The following HEATR1 variants were observed in gnomAD, a reference collection of about 807,000 sequenced individuals.
The protein encoded by HEATR1 is HEAT repeat containing 1.
A neutral mutation model predicts 248.2 loss-of-function variants in HEATR1; 77 were observed. The observed-to-expected ratio is 0.31, with a 90% CI of 0.26 to 0.37. The LOEUF (loss-of-function observed/expected upper bound fraction) is 0.37. Among genes scored for constraint, HEATR1 ranks in the 10% least tolerant of loss-of-function variants. The pLI is 1.00. For missense variants in HEATR1, 2,420 were observed against 2,504.9 expected (o/e 0.97, Z 0.72); for synonymous variants, 897 against 923.1 (o/e 0.97, Z 0.51).
chr1:236,561,397 A>G, intron 32 of HEATR1, 126 bp from the exon 33 acceptor site: 1 of 741,762 alleles, frequency 1.3e-6, no homozygotes, highest in Non-Finnish European at 2.4e-6. Context: ...CTGACATTAC[A>G]ATTTAATCAG....
intron 3 of HEATR1, among the ~76,000 whole-genome samples, chr1:236,600,697 A>AT (rs1201935697): frequency 1.9e-4 from 28 of 151,088 alleles, no homozygotes; most frequent in African/African-American, 5.4e-4. Flanking sequence ...CACCCAGCTA[A>AT]TTTTTTTTTG....
chr1:236,570,851 C>T (rs1663407721), intron 28 of HEATR1, among the ~76,000 whole-genome samples: 1 of 152,050 alleles, frequency 6.6e-6, no homozygotes, highest in Admixed American at 6.5e-5. Context: ...TGACTCAAAT[C>T]CTCAATATGA....
rs1662651427 is a variant in HEATR1, at chr1:236,550,079, A to G, written c.*823T>C. ...TGAACCCTCACTTTCCAACTTCACC[A>G]TGACCCAGTACTAGAGATTAGGGCA... On this transcript the variant is annotated 3_prime_UTR_variant, in exon 45 of 45. Coordinates refer to ENST00000366582, the MANE Select transcript of HEATR1 (RefSeq NM_018072.6). The G allele has an allele frequency of 1.3e-5, 2 of 152,194 alleles. No homozygotes were observed. Among genetic ancestry groups the G allele is most frequent in the Admixed American group, 1.3e-4 (2 of 15,282 alleles). 9.4% of individuals were successfully genotyped at this position (152,194 alleles called of 1,614,324 possible).
At position 236,586,346 on chromosome 1, in the gene HEATR1, C is replaced by A; in HGVS notation, c.1822G>T (p.Val608Phe). The A allele has an allele frequency of 1.2e-6, 2 of 1,612,466 alleles. No homozygotes were observed. Among genetic ancestry groups the A allele is most frequent in the South Asian group, 2.2e-5 (2 of 91,026 alleles). ...QVVVCLLPFMVINNDDTESAE... is the reference protein window; with the variant it reads ...QVVVCLLPFMFINNDDTESAE... ...GATTCCGTATCATCATTATTGATAA[C>A]CATAAATGGCAGCAAACATACAACC... The change falls in exon 15 of 45, where the codon GTT becomes TTT. Residue 608 changes from valine to phenylalanine, a missense_variant. By Grantham distance (50) the Val-to-Phe change is conservative (BLOSUM62 -1). Transcript: ENST00000366582.
chr1:236,577,114 T>C (rs979283238), intron 20 of HEATR1, among the ~76,000 whole-genome samples, 165 bp from the exon 21 acceptor site: 5 of 147,434 alleles, frequency 3.4e-5, no homozygotes, highest in Non-Finnish European at 6.0e-5. Flanking sequence ...GTTAGGCATA[T>C]GTTACCTGGT....
intron 8 of HEATR1, 108 bp from the exon 9 acceptor site, chr1:236,594,222 T>C (rs772999176): frequency 8.0e-6 from 5 of 627,004 alleles, no homozygotes; most frequent in Middle Eastern, 4.2e-4. Flanking sequence ...ACACACACAC[T>C]GATATCCAGC....
At chr1:236,564,225 T>C (rs1003718919) in intron 32 of HEATR1, among the ~76,000 whole-genome samples, 2 of 152,252 alleles carry the variant, frequency 1.3e-5, no homozygotes. Context: ...TAAAGATTCT[T>C]GTAGTTTTTT....
At chr1:236,590,289 G>A (rs143110176) in intron 12 of HEATR1, among the ~76,000 whole-genome samples, 3 of 152,048 alleles carry the variant, frequency 2.0e-5, no homozygotes, top group African/African-American at 7.3e-5. Flanking sequence ...GAGCAGTGGC[G>A]TGATCATGGC....
rs1663875212 is a variant in HEATR1 at position 236,586,034 on chromosome 1, T to C, written c.1928-93A>G. On this transcript the variant is annotated intron_variant, in intron 15 of 44. Transcript: ENST00000366582. ...CAGGCAAACATTTTACTATTGTTTA[T>C]GAAGGTTTGCTTTCTATTTTTCCTT... 4.7e-6 allele frequency: 7 copies of C among 1,478,164 alleles called. No homozygotes were observed. In the Admixed American group the frequency reaches 5.7e-5, roughly 12 times the overall value. 91.6% of individuals were successfully genotyped at this position (1,478,164 alleles called of 1,614,324 possible). A position where few individuals can be genotyped will look rare whatever the true frequency, so the allele number is the denominator to read the frequency against.
chr1:236,569,296 C>T (rs571308909), intron 28 of HEATR1, among the ~76,000 whole-genome samples, 172 bp from the exon 29 acceptor site: 199 of 152,286 alleles, frequency 1.3e-3, no homozygotes, highest in Non-Finnish European at 2.1e-3. Flanking sequence ...CCACCTCAGC[C>T]TCCTGAGTAG....
At position 236,555,785 on chromosome 1, in the gene HEATR1, A is replaced by G. The variant is rs745827038; in HGVS notation, c.5649+20T>C. On this transcript the variant is annotated intron_variant, in intron 39 of 44. Coordinates refer to ENST00000366582, the MANE Select transcript of HEATR1 (RefSeq NM_018072.6). ...GGTGGATAACAGCTTTAGGATTTGGAGGAGTGAACCTGAGCTTACCTCAGA... is the reference window on the plus strand; with the variant it reads ...GGTGGATAACAGCTTTAGGATTTGGGGGAGTGAACCTGAGCTTACCTCAGA... 1 of 1,614,052 alleles carries G rather than the reference A, an allele frequency of 6.2e-7. No individual in the cohort carries two copies. Among genetic ancestry groups the G allele is most frequent in the Non-Finnish European group, 8.5e-7 (1 of 1,179,916 alleles).
At chr1:236,601,932 C>A (rs541102736) in intron 3 of HEATR1, among the ~76,000 whole-genome samples, 3 of 150,864 alleles carry the variant, frequency 2.0e-5, no homozygotes, top group South Asian at 4.2e-4. Context: ...GAGTTTGAGA[C>A]CAGCCTGGCC....
rs772216623 is a variant in HEATR1, at chr1:236,571,679, C to T, written c.3715G>A (p.Glu1239Lys). Residue 1239 changes from glutamate (E) to lysine (K), a missense_variant, in exon 27 of 45, where the codon GAA (glutamate) becomes AAA (lysine). Coordinates refer to ENST00000366582, the MANE Select transcript of HEATR1 (RefSeq NM_018072.6). ...TTTCCCTGCTCTTGTGGCAAGGGTTCTAAACATCTTCAGGACACCCAAAAG... is the reference window on the plus strand; with the variant it reads ...TTTCCCTGCTCTTGTGGCAAGGGTTTTAAACATCTTCAGGACACCCAAAAG... ...TLFNLLSRCL[E>K]PLPQEQGNME... 2 of 1,607,926 alleles carry T rather than the reference C, an allele frequency of 1.2e-6. No homozygotes were observed. The highest frequency in any genetic ancestry group is 8.5e-7 in the Non-Finnish European group (1 of 1,174,670).
Position 236,583,126 on chromosome 1 carries a change from T to A in HEATR1, c.2312A>T (p.Tyr771Phe), listed in dbSNP as rs145047352. ...CTGAGTGCTGTTGAGCTCTTCTACA[T>A]AATGTGCCCACAGCTCCACTGGGAT... ...RGIPVELWAH[Y>F]VEELNSTQRV... The change falls in exon 18 of 45, where the codon TAT (tyrosine) becomes TTT (phenylalanine). Residue 771 changes from tyrosine to phenylalanine, a missense_variant. Physicochemically the swap from Tyr to Phe is conservative, Grantham distance 22. Transcript: ENST00000366582. The A allele has an allele frequency of 1.2e-6, 2 of 1,614,052 alleles. No individual in the cohort carries two copies. Among genetic ancestry groups the A allele is most frequent in the East Asian group, 4.5e-5 (2 of 44,876 alleles).
chr1:236,556,150 G>A lies in HEATR1; in HGVS notation c.5464C>T (p.Leu1822=). ...TLATTLAPRV[L]LPAIKKTYKQ... ...TAAGTTTTTTTGATGGCGGGCAACA[G>A]GACTCGGGGTGCAAGTGTGGTAGCC... Residue 1822 remains leucine (L), a synonymous_variant, in exon 38 of 45, where the codon CTG becomes TTG. Coordinates refer to ENST00000366582, the MANE Select transcript of HEATR1 (RefSeq NM_018072.6). 6.2e-7 allele frequency: 1 copy of A among 1,614,114 alleles called. No individual in the cohort carries two copies. The highest frequency in any genetic ancestry group is 8.5e-7 in the Non-Finnish European group (1 of 1,180,042).
At chr1:236,577,528 G>A (rs2103138741) in intron 20 of HEATR1, among the ~76,000 whole-genome samples, 3 of 137,168 alleles carry the variant, frequency 2.2e-5, no homozygotes. Context: ...TCCTCTTGTT[G>A]CCCAGGCTGG....
intron 32 of HEATR1, among the ~76,000 whole-genome samples, chr1:236,561,882 C>T (rs942397903): frequency 1.3e-5 from 2 of 152,048 alleles, no homozygotes; most frequent in Non-Finnish European, 1.5e-5. Context: ...TCCATTTTTT[C>T]CCCTTTTACT....
chr1:236,570,399 T>C (rs1364850727), intron 28 of HEATR1, among the ~76,000 whole-genome samples: 2 of 152,038 alleles, frequency 1.3e-5, no homozygotes, highest in Non-Finnish European at 2.9e-5. Context: ...ATAGGCAGAT[T>C]GAGAGAGACA....
chr1:236,573,513 G>T (rs1271759209), intron 24 of HEATR1, among the ~76,000 whole-genome samples: 1 of 145,388 alleles, frequency 6.9e-6, no homozygotes, highest in Non-Finnish European at 1.5e-5. Context: ...TATGAACTAG[G>T]TATTAGATAA....
Sources: gnomAD v4.1 joint callset for allele counts (sites outside exome capture counted in the v4.1 genomes callset) on GRCh38, gnomAD v4.1.1 for gene constraint, MANE v1.5 for transcripts, NCBI Gene and HGNC (gene_info 2026-07-23, HGNC 2026-07-21) for gene names.